Variants in UIMC1 observed in about 807,000 individuals in gnomAD.
The protein encoded by UIMC1 is ubiquitin interaction motif containing 1.
A neutral mutation model predicts 84.9 loss-of-function variants in UIMC1; 42 were observed. That is an observed-to-expected ratio of 0.49 (90% confidence interval 0.39 to 0.64). UIMC1 has a LOEUF of 0.64. Ranked by LOEUF, UIMC1 falls within the 30% of genes least tolerant of loss-of-function variation. The pLI, the probability that UIMC1 is intolerant of heterozygous loss-of-function variation, is 0.00. For synonymous variants in UIMC1, 281 were observed against 293.0 expected (o/e 0.96, Z 0.42); for missense variants, 825 against 847.6 (o/e 0.97, Z 0.33).
intron 1 of UIMC1, among the ~76,000 whole-genome samples, chr5:177,019,194 A>G (rs970734933): frequency 6.6e-6 from 1 of 152,262 alleles, no homozygotes; most frequent in African/African-American, 2.4e-5. Flanking sequence ...CCAGTGTTCA[A>G]GCATGGGCTC....
At position 176,984,312 on chromosome 5, in the gene UIMC1, A is replaced by G. The variant is rs866864823; in HGVS notation, c.-8-1689T>C. Among the ~76,000 whole-genome samples the G allele has an allele frequency of 1.9e-3, 126 of 65,472 alleles. 1 individual carries two copies. Among genetic ancestry groups the G allele is most frequent in the South Asian group, 5.9e-3 (10 of 1,692 alleles). 43.0% of individuals were successfully genotyped at this position (65,472 alleles called of 152,430 possible). A position where few individuals can be genotyped will look rare whatever the true frequency, so the allele number is the denominator to read the frequency against. On this transcript the variant is annotated intron_variant, in intron 1 of 14. Coordinates refer to ENST00000511320, the MANE Select transcript of UIMC1 (RefSeq NM_001199298.2). ...TGCCGGCCGCCACCCCGTCTGGGAAATGGGGAGTGCCTCTGCCCGGCCGCC... is the reference window on the plus strand; with the variant it reads ...TGCCGGCCGCCACCCCGTCTGGGAAGTGGGGAGTGCCTCTGCCCGGCCGCC...
At chr5:177,016,745 G>A (rs568019562) in intron 1 of UIMC1, among the ~76,000 whole-genome samples, 71 of 151,946 alleles carry the variant, frequency 4.7e-4, no homozygotes, top group African/African-American at 1.4e-3. Context: ...CCAGTAGGCC[G>A]GGCGCGGCGG....
At chr5:176,967,008 A>C (rs1273203665) in intron 6 of UIMC1, among the ~76,000 whole-genome samples, 1 of 152,234 alleles carries the variant, frequency 6.6e-6, no homozygotes, top group African/African-American at 2.4e-5. Context: ...CATCTCTCAG[A>C]CTGGCAAAGA....
intron 2 of UIMC1, among the ~76,000 whole-genome samples, chr5:176,978,560 C>T (rs1159960151): frequency 6.6e-6 from 1 of 151,558 alleles, no homozygotes; most frequent in Non-Finnish European, 1.5e-5. Flanking sequence ...AAGGCCATAG[C>T]GCCCCCCAAA....
At chr5:176,914,403 C>G (rs1267112329) in intron 10 of UIMC1, among the ~76,000 whole-genome samples, 2 of 152,288 alleles carry the variant, frequency 1.3e-5, no homozygotes, top group Admixed American at 1.3e-4. Flanking sequence ...ACCAGAGAAG[C>G]CTGTCTTCTC....
chr5:176,977,721 C>T (rs949799879), intron 2 of UIMC1, among the ~76,000 whole-genome samples: 3 of 151,722 alleles, frequency 2.0e-5, no homozygotes, highest in African/African-American at 4.8e-5. Flanking sequence ...ACCAGCCTGG[C>T]CAACATGGTA....
chr5:176,989,348 A>C (rs1772475941), intron 1 of UIMC1, among the ~76,000 whole-genome samples: 1 of 152,196 alleles, frequency 6.6e-6, no homozygotes, highest in Non-Finnish European at 1.5e-5. Context: ...TAATGACTAA[A>C]GAACAAGAAA....
rs1198940940 is a variant in UIMC1 at position 177,015,715 on chromosome 5, A to C, written c.-9+6749T>G. On this transcript the variant is annotated intron_variant, in intron 1 of 5. Coordinates refer to the UIMC1 transcript ENST00000509236. Reference sequence around the variant, plus strand: ...CCTCTGCCCTCAATCTGTCCTTAGAAAGTCTCTAAATTAAAACCTGGCATC... The same window carrying C: ...CCTCTGCCCTCAATCTGTCCTTAGACAGTCTCTAAATTAAAACCTGGCATC... 4.6e-5 allele frequency among the ~76,000 whole-genome samples: 7 copies of C among 152,296 alleles called. No homozygotes were observed. The East Asian group carries it at 1.3e-3, about 29-fold the overall frequency.
intron 1 of UIMC1, among the ~76,000 whole-genome samples, chr5:177,003,769 A>AATGCACTG (rs1342283650): frequency 6.6e-6 from 1 of 152,172 alleles, no homozygotes; most frequent in African/African-American, 2.4e-5. Flanking sequence ...GGAGAAGCGT[A>AATGCACTG]ATGCACTGGG....
chr5:176,968,769 G>T lies in UIMC1; in HGVS notation c.986C>A (p.Pro329His). 6.2e-7 allele frequency: 1 copy of T among 1,614,156 alleles called. No homozygotes were observed. The highest frequency in any genetic ancestry group is 8.5e-7 in the Non-Finnish European group (1 of 1,180,032). ...GFGEPVLPRP[P>H]SLIQNECGQG... Reference sequence around the variant, plus strand: ...GCCACATTCATTCTGGATCAGAGAAGGAGGTCTAGGTAACACTGGTTCCCC... The same window carrying T: ...GCCACATTCATTCTGGATCAGAGAATGAGGTCTAGGTAACACTGGTTCCCC... The change falls in exon 6 of 15, where the codon CCT (proline) becomes CAT (histidine). Residue 329 changes from proline to histidine, a missense_variant. Physicochemically the swap from Pro to His is moderately conservative, Grantham distance 77. Transcript: ENST00000511320.
intron 9 of UIMC1, among the ~76,000 whole-genome samples, chr5:176,945,700 C>T (rs1191963087): frequency 6.6e-6 from 1 of 152,204 alleles, no homozygotes; most frequent in Non-Finnish European, 1.5e-5. Flanking sequence ...GGGCTATAAA[C>T]GCCCTCATCT....
At chr5:176,964,207 C>A (rs933309865) in intron 6 of UIMC1, among the ~76,000 whole-genome samples, 1 of 152,162 alleles carries the variant, frequency 6.6e-6, no homozygotes, top group Non-Finnish European at 1.5e-5. Context: ...TTCTTTCTAC[C>A]CACATTTCCT....
At chr5:176,913,782 G>A (rs536084433) in intron 10 of UIMC1, among the ~76,000 whole-genome samples, 1 of 152,330 alleles carries the variant, frequency 6.6e-6, no homozygotes, top group South Asian at 2.1e-4. Flanking sequence ...TTCGAGAACA[G>A]CCTGGGCAAC....
At position 176,905,996 on chromosome 5, in the gene UIMC1, C is replaced by T; in HGVS notation, c.1949+15G>A. The T allele has an allele frequency of 1.9e-6, 3 of 1,614,046 alleles. No individual in the cohort carries two copies. The highest frequency in any genetic ancestry group is 2.5e-6 in the Non-Finnish European group (3 of 1,179,940). ...AAATGCTGACAGCCACAATTCAGTG[C>T]ACAATCCAATTCACCTGAAGGCTCC... On this transcript the variant is annotated intron_variant, in intron 14 of 14. Transcript: ENST00000511320.
At chr5:176,911,263 C>T (rs778076223) in intron 11 of UIMC1, 48 bp downstream of exon 11, 61 of 1,476,022 alleles carry the variant, frequency 4.1e-5, no homozygotes, top group South Asian at 2.8e-4. Flanking sequence ...TCAGTCCAAA[C>T]GATGGTATGT....
intron 6 of UIMC1, among the ~76,000 whole-genome samples, chr5:176,964,637 T>C (rs913249795): frequency 6.6e-6 from 1 of 152,214 alleles, no homozygotes; most frequent in Non-Finnish European, 1.5e-5. Flanking sequence ...CTACATGATA[T>C]TAAAGATACA....
chr5:176,989,150 T>G (rs1160813743), intron 1 of UIMC1, among the ~76,000 whole-genome samples: 1 of 152,148 alleles, frequency 6.6e-6, no homozygotes, highest in Non-Finnish European at 1.5e-5. Flanking sequence ...TGTTACATCT[T>G]ATTATCAGAA....
chr5:176,963,475 C>G (rs544482578), intron 6 of UIMC1, among the ~76,000 whole-genome samples: 1 of 149,096 alleles, frequency 6.7e-6, no homozygotes, highest in African/African-American at 2.5e-5. Flanking sequence ...GAGCTGAGAT[C>G]GTGTCACTGC....
chr5:176,980,865 C>T (rs981725745), intron 2 of UIMC1, among the ~76,000 whole-genome samples: 45 of 152,190 alleles, frequency 3.0e-4, no homozygotes, highest in African/African-American at 1.1e-3. Context: ...CTCAGCTTCC[C>T]AAGTATCTGG....
Sources: gnomAD v4.1 joint callset for allele counts (sites outside exome capture counted in the v4.1 genomes callset) on GRCh38, gnomAD v4.1.1 for gene constraint, MANE v1.5 for transcripts, NCBI Gene and HGNC (gene_info 2026-07-23, HGNC 2026-07-21) for gene names.